The following BMPR2 variants were observed in gnomAD, a reference collection of about 807,000 sequenced individuals.
BMPR2 encodes the protein bone morphogenetic protein receptor type 2, also known as bone morphogenetic protein receptor type-2.
Under a neutral mutation model 100.8 loss-of-function variants are expected in BMPR2, and 29 were observed. The ratio of observed to expected loss-of-function variants is 0.29; its 90% CI spans 0.21 to 0.39. BMPR2 has a LOEUF of 0.39. Among genes scored for constraint, BMPR2 ranks in the 10% least tolerant of loss-of-function variants. The pLI is 1.00. For missense variants in BMPR2, 1,011 were observed against 1,274.5 expected, an observed-to-expected ratio of 0.79 and a Z score of 3.15; for synonymous variants, 382 against 442.3, an observed-to-expected ratio of 0.86 and a Z score of 1.71.
chr2:202,499,517 A>G (rs954427867), intron 3 of BMPR2, among the ~76,000 whole-genome samples: 2 of 152,186 alleles, frequency 1.3e-5, no homozygotes, highest in Non-Finnish European at 2.9e-5. Context: ...GAGAATTACA[A>G]AAAAGCCCAT....
chr2:202,507,697 ATC>A (rs1687548643), intron 3 of BMPR2, among the ~76,000 whole-genome samples: 1 of 143,424 alleles, frequency 7.0e-6, no homozygotes, highest in African/African-American at 2.6e-5. Flanking sequence ...GCCTTTTTTC[ATC>A]TTTTTTTTTT....
chr2:202,540,697 G>A (rs1688253235), intron 9 of BMPR2, among the ~76,000 whole-genome samples: 1 of 152,084 alleles, frequency 6.6e-6, no homozygotes, highest in African/African-American at 2.4e-5. Flanking sequence ...TTATAACTTT[G>A]TATTATCTCC....
At chr2:202,449,560 C>T (rs1179698029) in intron 1 of BMPR2, among the ~76,000 whole-genome samples, 2 of 152,192 alleles carry the variant, frequency 1.3e-5, no homozygotes, top group East Asian at 3.9e-4. Context: ...ATTTGGATAC[C>T]TGCTAGGCTA....
chr2:202,520,504 C>T, intron 7 of BMPR2: 1 of 388,864 alleles, frequency 2.6e-6, no homozygotes, highest in Middle Eastern at 7.9e-4. Flanking sequence ...AGGACATCAA[C>T]ATTTCTGGCA....
chr2:202,535,029 G>T (rs1346742360), intron 9 of BMPR2, among the ~76,000 whole-genome samples: 19 of 144,014 alleles, frequency 1.3e-4, no homozygotes, highest in Admixed American at 3.4e-4. Context: ...CTGGCCGGGC[G>T]GGTGGCTGAC....
intron 1 of BMPR2, among the ~76,000 whole-genome samples, chr2:202,391,404 C>G (rs1440873510): frequency 2.7e-5 from 4 of 150,408 alleles, no homozygotes; most frequent in African/African-American, 7.4e-5. Context: ...CCCGGAAGCT[C>G]AAGTGATCCT....
At chr2:202,557,459 TCTCAAACA>T (rs1688595811) in intron 12 of BMPR2, among the ~76,000 whole-genome samples, 2 of 123,236 alleles carry the variant, frequency 1.6e-5, no homozygotes, top group Admixed American at 1.8e-4. Flanking sequence ...TGAAACTCTG[TCTCAAACA>T]CACACACACA....
intron 3 of BMPR2, among the ~76,000 whole-genome samples, chr2:202,476,644 C>G (rs1444043277): frequency 6.6e-6 from 1 of 152,026 alleles, no homozygotes; most frequent in Non-Finnish European, 1.5e-5. Context: ...AAATAATTAG[C>G]TGGGTGTGGT....
intron 1 of BMPR2, among the ~76,000 whole-genome samples, chr2:202,392,933 G>A (rs1211277025): frequency 1.3e-5 from 2 of 150,542 alleles, no homozygotes; most frequent in Admixed American, 6.7e-5. Flanking sequence ...CGGAGGTTGC[G>A]GTGAGCCGAG....
intron 1 of BMPR2, among the ~76,000 whole-genome samples, chr2:202,390,632 G>A (rs1027927380): frequency 1.3e-5 from 2 of 151,686 alleles, no homozygotes; most frequent in Non-Finnish European, 2.9e-5. Context: ...GTGCTTGGCC[G>A]AGAATCTCCC....
chr2:202,417,033 T>C (rs1691145235), intron 1 of BMPR2, among the ~76,000 whole-genome samples: 1 of 151,694 alleles, frequency 6.6e-6, no homozygotes, highest in Admixed American at 6.6e-5. Context: ...AGACGGGATT[T>C]CACTGTGTTA....
chr2:202,556,902 T>C (rs568997260), intron 12 of BMPR2, among the ~76,000 whole-genome samples: 9 of 152,102 alleles, frequency 5.9e-5, no homozygotes, highest in African/African-American at 1.4e-4. Flanking sequence ...CTGGCCAACA[T>C]GGTGAAACCC....
intron 9 of BMPR2, among the ~76,000 whole-genome samples, chr2:202,534,343 G>A (rs889344321): frequency 2.6e-5 from 4 of 151,592 alleles, no homozygotes; most frequent in African/African-American, 7.3e-5. Context: ...AATAGTGGAG[G>A]GAAGGTCAGC....
intron 1 of BMPR2, among the ~76,000 whole-genome samples, chr2:202,421,914 G>A (rs1225965851): frequency 1.3e-5 from 2 of 152,056 alleles, no homozygotes; most frequent in Non-Finnish European, 2.9e-5. Context: ...GTATTTTGTT[G>A]TGGTGGTTGT....
chr2:202,527,224 A>G (rs1687930599), intron 7 of BMPR2, among the ~76,000 whole-genome samples: 1 of 152,168 alleles, frequency 6.6e-6, no homozygotes, highest in Admixed American at 6.5e-5. Flanking sequence ...GCAGTGGCTC[A>G]AGGCTGTAAT....
intron 3 of BMPR2, among the ~76,000 whole-genome samples, chr2:202,471,089 AG>A (rs1692428840): frequency 1.3e-5 from 2 of 152,244 alleles, no homozygotes; most frequent in African/African-American, 4.8e-5. Context: ...AGGAAGGAAA[AG>A]TACCTAAAAA....
intron 1 of BMPR2, among the ~76,000 whole-genome samples, chr2:202,391,033 C>T (rs755450382): frequency 1.8e-5 from 2 of 109,034 alleles, no homozygotes; most frequent in African/African-American, 3.7e-5. Flanking sequence ...ACTCTTGTTG[C>T]CCAGGCTGGG....
chr2:202,552,837 A>C lies in BMPR2; in HGVS notation c.1535A>C (p.Lys512Thr), dbSNP rs1085307364. Residue 512 changes from lysine (K) to threonine (T), a missense_variant, in exon 11 of 13, where the codon AAA becomes ACA. Physicochemically the swap from Lys to Thr is moderately conservative, Grantham distance 78. Coordinates refer to ENST00000374580, the MANE Select transcript of BMPR2 (RefSeq NM_001204.7). ...AELMMIWERNKSVSPTVNPMS... is the reference protein window; with the variant it reads ...AELMMIWERNTSVSPTVNPMS... ...CTTATGATGATTTGGGAAAGAAACA[A>C]ATCTGTGAGCCCAACAGTCAATCCA... 1.9e-6 allele frequency: 3 copies of C among 1,614,204 alleles called. No homozygotes were observed. The highest frequency in any genetic ancestry group is 2.5e-6 in the Non-Finnish European group (3 of 1,180,038).
intron 1 of BMPR2, among the ~76,000 whole-genome samples, chr2:202,461,468 A>C (rs1692223514): frequency 1.3e-5 from 2 of 152,162 alleles, no homozygotes; most frequent in African/African-American, 2.4e-5. Context: ...TGGGCAGCAG[A>C]GCAAGACTCC....
Sources: gnomAD v4.1 joint callset for allele counts (sites outside exome capture counted in the v4.1 genomes callset) on GRCh38, gnomAD v4.1.1 for gene constraint, MANE v1.5 for transcripts, NCBI Gene and HGNC (gene_info 2026-07-23, HGNC 2026-07-21) for gene names.